IL25: variants seen among roughly 807,000 people sequenced by gnomAD.
IL25 encodes the protein interleukin-25.
In IL25, 10 loss-of-function variants were observed where a neutral mutation model predicts 13.2. The ratio of observed to expected loss-of-function variants is 0.76; its 90% CI spans 0.47 to 1.29. The LOEUF is 1.29. Among genes scored for constraint, IL25 ranks in the 50% most tolerant of loss-of-function variants. The probability of loss-of-function intolerance (pLI) is 0.00; values close to 1 mark genes in which losing one functional copy is unlikely to be tolerated. For synonymous variants in IL25, 107 were observed against 92.1 expected (o/e 1.16, Z -0.93); for missense variants, 235 against 232.4 (o/e 1.01, Z -0.07).
chr14:23,375,942 C>T (rs2138562155), exon 2 of IL25: 2 of 1,576,634 alleles, frequency 1.3e-6, no homozygotes, highest in Non-Finnish European at 8.6e-7. Flanking sequence ...CAACCACTTG[C>T]CATGAAGGGC....
At chr14:23,376,138 A>G (rs1890552765) in exon 2 of IL25, 3 of 507,960 alleles carry the variant, frequency 5.9e-6, no homozygotes, top group Non-Finnish European at 1.0e-5. Flanking sequence ...AGTTCTGCCC[A>G]TTTCTGGAGG....
chr14:23,373,425 G>A (rs1477693884), intron 1 of IL25, 29 bp downstream of exon 2: 2 of 1,585,652 alleles, frequency 1.3e-6, no homozygotes, highest in Admixed American at 1.7e-5. Context: ...CCGAATGCCT[G>A]CCCTGTGTGT....
exon 1 of IL25, chr14:23,373,012 G>A (rs1683065130): frequency 1.2e-6 from 2 of 1,613,928 alleles, no homozygotes; most frequent in Middle Eastern, 1.6e-4. Flanking sequence ...TGTGCTGAGA[G>A]GGAGAGGAGC....
chr14:23,375,975 C>T (rs1890546338), exon 2 of IL25: 1 of 1,502,914 alleles, frequency 6.7e-7, no homozygotes. Context: ...ATGCTTGGCC[C>T]CTGTGAAGTG....
In IL25 at chr14:23,373,128, C is replaced by T. The variant is rs772921037; in HGVS notation, c.10C>T (p.Arg4Ter). The change falls in exon 1 of 2, where the codon CGA (arginine) becomes TGA (stop). Residue 4 changes from arginine to a stop codon, truncating the protein, a stop_gained. Transcript: ENST00000329715. LOFTEE classifies it high-confidence loss of function. ...CAGGGGGAGGGTGCAGATGAGGGAGCGACCCAGATTAGGTGAGGACAGTTC... is the reference window on the plus strand; with the variant it reads ...CAGGGGGAGGGTGCAGATGAGGGAGTGACCCAGATTAGGTGAGGACAGTTC... The T allele has an allele frequency of 8.9e-5, 144 of 1,613,866 alleles. 1 individual carries two copies. Among genetic ancestry groups the T allele is most frequent in the South Asian group, 1.2e-4 (11 of 91,076 alleles).
exon 2 of IL25, chr14:23,375,935 C>A (rs1282200425): frequency 2.5e-6 from 4 of 1,587,370 alleles, no homozygotes; most frequent in Admixed American, 3.4e-5. Context: ...AGGTGTACAA[C>A]CACTTGCCAT....
At chr14:23,373,364 C>T (rs1041355867) in exon 1 of IL25, 13 of 1,613,514 alleles carry the variant, frequency 8.1e-6, no homozygotes, top group Admixed American at 3.3e-5. Flanking sequence ...ATGGACCCCT[C>T]AACAGCAGGG....
At chr14:23,375,215 C>T (rs1388601064) in intron 1 of IL25, among the ~76,000 whole-genome samples, 1 of 152,162 alleles carries the variant, frequency 6.6e-6, no homozygotes, top group East Asian at 1.9e-4. Flanking sequence ...CGTGCCACTG[C>T]ACTCCAGCTT....
In IL25 at chr14:23,373,287, G is replaced by C. The variant is rs765453544; in HGVS notation, c.169G>C (p.Val57Leu). The C allele has an allele frequency of 2.4e-5, 39 of 1,614,040 alleles. No individual in the cohort carries two copies. The highest frequency in any genetic ancestry group is 3.2e-5 in the Non-Finnish European group (38 of 1,180,036). Reference sequence around the variant, plus strand: ...TGAGGAGCTGCTGAGGTGGAGCACTGTGCCTGTGCCTCCCCTAGAGCCTGC... The same window carrying C: ...TGAGGAGCTGCTGAGGTGGAGCACTCTGCCTGTGCCTCCCCTAGAGCCTGC... The change falls in exon 1 of 2, where the codon GTG (valine) becomes CTG (leucine). Residue 57 changes from valine to leucine, a missense_variant. Transcript: ENST00000329715.
chr14:23,375,725 C>T (rs139810002), exon 2 of IL25: 16 of 1,614,100 alleles, frequency 9.9e-6, no homozygotes, highest in Middle Eastern at 1.6e-4. Context: ...CATGGACCCC[C>T]GGGGCAACTC....
chr14:23,372,842 A>C, upstream of IL25: 1 of 907,740 alleles, frequency 1.1e-6, no homozygotes, highest in Non-Finnish European at 1.7e-6. Flanking sequence ...AGTGGAAATA[A>C]ATTTGAATAA....
exon 2 of IL25, chr14:23,375,633 G>A (rs1890527059): frequency 6.2e-7 from 1 of 1,613,264 alleles, no homozygotes; most frequent in African/African-American, 1.3e-5. Context: ...AGGTTGGACA[G>A]AGACTTGAAC....
chr14:23,375,711 C>G (rs769307442), exon 2 of IL25: 4 of 1,614,104 alleles, frequency 2.5e-6, no homozygotes, highest in Non-Finnish European at 3.4e-6. Flanking sequence ...CAGACAGGCT[C>G]CCACATGGAC....
exon 2 of IL25, chr14:23,375,684 C>T (rs143855803): frequency 3.9e-5 from 63 of 1,614,068 alleles, no homozygotes; most frequent in African/African-American, 9.3e-5. Flanking sequence ...TGCCTGTGCC[C>T]GCACTGCGTC....
At chr14:23,373,601 G>GT (rs534803213) in intron 1 of IL25, among the ~76,000 whole-genome samples, 3,081 of 144,598 alleles carry the variant, frequency 0.021, 86 homozygotes, top group African/African-American at 0.067. Context: ...AAAACTCAGG[G>GT]TTTTTTTTTT....
At chr14:23,374,033 A>T (rs1044963331) in intron 1 of IL25, among the ~76,000 whole-genome samples, 5 of 152,202 alleles carry the variant, frequency 3.3e-5, no homozygotes, top group Admixed American at 1.3e-4. Context: ...ATGAAGCAAA[A>T]TATTAAAAAC....
rs755195593 is a variant in IL25 at position 23,373,445 on chromosome 14, G to A, written c.278+49G>A. 1.5e-5 allele frequency: 23 copies of A among 1,519,670 alleles called. No individual in the cohort carries two copies. The Admixed American group carries it at 3.9e-4, about 26-fold the overall frequency. 94.1% of individuals were successfully genotyped at this position (1,519,670 alleles called of 1,614,324 possible). On this transcript the variant is annotated intron_variant, in intron 1 of 1. Transcript: ENST00000329715. ...TGCCTGCCCTGTGTGTGCTGGCCAG[G>A]GTATGCGTGAGGGACCAGGGCAATT...
At chr14:23,373,383 C>T (rs1890466427) in exon 1 of IL25, 7 of 1,609,902 alleles carry the variant, frequency 4.3e-6, no homozygotes, top group African/African-American at 1.3e-5. Flanking sequence ...GGCCATCTCC[C>T]CCTGGAGATA....
chr14:23,372,961 C>T (rs1401185821), exon 1 of IL25: 2 of 1,613,554 alleles, frequency 1.2e-6, no homozygotes, highest in Non-Finnish European at 8.5e-7. Context: ...GTGTGCAGTG[C>T]CCAGCATGTA....
Sources: allele counts gnomAD v4.1 joint callset (sites outside exome capture counted in the v4.1 genomes callset), GRCh38; gene constraint gnomAD v4.1.1; transcripts MANE v1.5; gene names NCBI Gene and HGNC (gene_info 2026-07-23, HGNC 2026-07-21).